KIAA1549: variants seen among roughly 807,000 people sequenced by gnomAD.
KIAA1549 encodes the protein KIAA1549, also known as UPF0606 protein KIAA1549.
Under a neutral mutation model 156.4 loss-of-function variants are expected in KIAA1549, and 70 were observed. The observed-to-expected ratio is 0.45, with a 90% CI of 0.37 to 0.55. The LOEUF (loss-of-function observed/expected upper bound fraction) is 0.55. Among genes scored for constraint, KIAA1549 ranks in the 20% least tolerant of loss-of-function variants. The pLI is 0.00. For synonymous variants in KIAA1549, 1,103 were observed against 1,066.4 expected (o/e 1.03, Z -0.67); for missense variants, 2,428 against 2,540.9 (o/e 0.96, Z 0.96).
chr7:138,965,341 C>G (rs1813987620), intron 1 of KIAA1549, among the ~76,000 whole-genome samples: 1 of 152,092 alleles, frequency 6.6e-6, no homozygotes, highest in Non-Finnish European at 1.5e-5. Context: ...CCAGTGCGTG[C>G]CACGATGCCT....
Position 138,906,971 on chromosome 7 carries a change from A to G in KIAA1549, c.3408T>C (p.Ser1136=). The part of the protein sequence containing the change: ...SEVSELLRNL[S]VVEFSFYLGY... ...CCAGATAGAAACTGAACTCCACCAC[A>G]CTCAAGTTTCTGAGCAGCTCGCTCA... The change falls in exon 6 of 20, where the codon AGT becomes AGC. Residue 1136 remains serine (S), a synonymous_variant. Coordinates refer to ENST00000422774, the MANE Select transcript of KIAA1549 (RefSeq NM_001164665.2). 1 of 1,612,944 alleles carries G rather than the reference A, an allele frequency of 6.2e-7. No individual in the cohort carries two copies. Among genetic ancestry groups the G allele is most frequent in the Non-Finnish European group, 8.5e-7 (1 of 1,179,506 alleles).
Position 138,832,072 on chromosome 7 carries a change from G to A in KIAA1549, c.*5834C>T. 4.3e-6 allele frequency: 1 copy of A among 230,356 alleles called. No homozygotes were observed. Among genetic ancestry groups the A allele is most frequent in the Non-Finnish European group, 8.6e-6 (1 of 116,342 alleles). 14.3% of individuals were successfully genotyped at this position (230,356 alleles called of 1,614,324 possible). A position where few individuals can be genotyped will look rare whatever the true frequency, so the allele number is the denominator to read the frequency against. On this transcript the variant is annotated 3_prime_UTR_variant, in exon 20 of 20. Transcript: ENST00000422774. ...GTCAAGTTATGAATACTTGAAATCT[G>A]GTAAGTACAGGAAAGACTATTCGTG...
At chr7:138,944,530 T>G (rs575966481) in intron 1 of KIAA1549, among the ~76,000 whole-genome samples, 6 of 152,226 alleles carry the variant, frequency 3.9e-5, no homozygotes, top group African/African-American at 1.2e-4. Flanking sequence ...CACAACCCAC[T>G]AATTCCACTC....
intron 1 of KIAA1549, among the ~76,000 whole-genome samples, chr7:138,942,908 CA>C (rs34506092): frequency 0.48 from 66,211 of 138,670 alleles, 16,615 homozygotes; most frequent in African/African-American, 0.71. Context: ...GACTCCGTCT[CA>C]AAAAAAAAAA....
At chr7:138,852,020 G>A (rs910855512) in intron 17 of KIAA1549, among the ~76,000 whole-genome samples, 10 of 152,198 alleles carry the variant, frequency 6.6e-5, no homozygotes, top group African/African-American at 2.4e-4. Flanking sequence ...CAGCAGGAGA[G>A]TTGGTCCAAA....
chr7:138,901,368 G>A (rs752658870), intron 8 of KIAA1549, among the ~76,000 whole-genome samples: 82 of 145,046 alleles, frequency 5.7e-4, no homozygotes, highest in Admixed American at 9.9e-4. Flanking sequence ...CTCTGTCCCC[G>A]AGGCTGGAGT....
At chr7:138,889,653 A>G (rs187908162) in intron 10 of KIAA1549, among the ~76,000 whole-genome samples, 2 of 152,366 alleles carry the variant, frequency 1.3e-5, no homozygotes, top group African/African-American at 2.4e-5. Flanking sequence ...AATGAAATAT[A>G]CAAGTCCTCT....
chr7:138,919,002 C>A lies in KIAA1549; in HGVS notation c.624G>T (p.Val208=). 1 of 1,613,988 alleles carries A rather than the reference C, an allele frequency of 6.2e-7. No individual in the cohort carries two copies. Among genetic ancestry groups the A allele is most frequent in the Non-Finnish European group, 8.5e-7 (1 of 1,179,894 alleles). ...LPMVSLQDEE[V]TSGWQNTTRQ... ...GCGTTGTGTTCTGCCAGCCCGATGT[C>A]ACTTCTTCATCTTGTAAAGAAACCA... The change falls in exon 2 of 20, where the codon GTG becomes GTT. Residue 208 remains valine (V), a synonymous_variant. Coordinates refer to ENST00000422774, the MANE Select transcript of KIAA1549 (RefSeq NM_001164665.2).
At chr7:138,888,481 G>A (rs1584732498) in intron 10 of KIAA1549, among the ~76,000 whole-genome samples, 1 of 152,170 alleles carries the variant, frequency 6.6e-6, no homozygotes, top group South Asian at 2.1e-4. Context: ...TGTTGTCCCT[G>A]TGTACTTACT....
At chr7:138,939,712 G>A (rs113921667) in intron 1 of KIAA1549, among the ~76,000 whole-genome samples, 3,558 of 152,260 alleles carry the variant, frequency 0.023, 69 homozygotes, top group Admixed American at 0.039. Context: ...AATTTATCAA[G>A]GGCTTAAGAG....
intron 8 of KIAA1549, among the ~76,000 whole-genome samples, chr7:138,902,796 G>A (rs1181242107): frequency 1.3e-5 from 2 of 152,024 alleles, no homozygotes; most frequent in East Asian, 1.9e-4. Flanking sequence ...GCGACAGAGC[G>A]AGACTCTGTC....
At chr7:138,960,234 G>A (rs1276170411) in intron 1 of KIAA1549, among the ~76,000 whole-genome samples, 26 of 152,106 alleles carry the variant, frequency 1.7e-4, no homozygotes, top group Admixed American at 1.6e-3. Flanking sequence ...CCAGGAGTTC[G>A]AGACCAGCCT....
intron 1 of KIAA1549, among the ~76,000 whole-genome samples, chr7:138,959,184 T>C (rs1044740471): frequency 1.3e-5 from 2 of 152,182 alleles, no homozygotes; most frequent in African/African-American, 4.8e-5. Flanking sequence ...AAAGTTCTCA[T>C]ACATCCTTTT....
chr7:138,961,197 G>A (rs537732211), intron 1 of KIAA1549, among the ~76,000 whole-genome samples: 8 of 152,254 alleles, frequency 5.3e-5, no homozygotes, highest in African/African-American at 1.7e-4. Context: ...TGTTGTCCTC[G>A]GAGCAGTCTC....
intron 1 of KIAA1549, among the ~76,000 whole-genome samples, chr7:138,950,888 G>A (rs1220071065): frequency 6.6e-6 from 1 of 151,776 alleles, no homozygotes; most frequent in Admixed American, 6.6e-5. Flanking sequence ...ACTTTCATCA[G>A]ACGCTCTCTC....
intron 1 of KIAA1549, among the ~76,000 whole-genome samples, chr7:138,945,320 C>T (rs1310076271): frequency 6.6e-6 from 1 of 152,222 alleles, no homozygotes. Flanking sequence ...TCCCGTCCTT[C>T]CAGGCAGTTC....
chr7:138,917,485 G>A lies in KIAA1549; in HGVS notation c.2141C>T (p.Ser714Phe). ...GAAGCTTGACCATGGTGACACCTCA[G>A]AACGGCTAGGTAGCAACATGATGGT... ...LNTIMLLPSR[S>F]EVSPWSSFPS... is the part of the protein sequence containing the mutation. Residue 714 changes from serine to phenylalanine, a missense_variant, in exon 2 of 20, where the codon TCT (serine) becomes TTT (phenylalanine). By Grantham distance (155) the Ser-to-Phe change is radical (BLOSUM62 -2). Around this residue, in one of 5 missense-constraint regions of KIAA1549, gnomAD observed 762 missense variants for 901.6 expected, o/e 0.85. Coordinates refer to ENST00000422774, the MANE Select transcript of KIAA1549 (RefSeq NM_001164665.2). 6.2e-7 allele frequency: 1 copy of A among 1,613,788 alleles called. No homozygotes were observed.
intron 1 of KIAA1549, among the ~76,000 whole-genome samples, chr7:138,926,259 A>C (rs921795645): frequency 2.6e-5 from 4 of 151,940 alleles, no homozygotes; most frequent in African/African-American, 9.7e-5. Flanking sequence ...CCAACTTCGC[A>C]ATCTCCAGCA....
chr7:138,920,247 T>TCTCACCCCCGCCTGGAA (rs1812530263), intron 1 of KIAA1549, among the ~76,000 whole-genome samples: 2 of 149,238 alleles, frequency 1.3e-5, no homozygotes, highest in South Asian at 2.2e-4. Flanking sequence ...GGATGGCTCC[T>TCTCACCCCCGCCTGGAA]TCTGGCCCTT....
Sources: gnomAD v4.1 joint callset for allele counts (sites outside exome capture counted in the v4.1 genomes callset) on GRCh38, gnomAD v4.1.1 for gene constraint, gnomAD v4.1.1 regional missense constraint, MANE v1.5 for transcripts, NCBI Gene and HGNC (gene_info 2026-07-23, HGNC 2026-07-21) for gene names.